The following TCF20 variants were observed in gnomAD, a reference collection of about 807,000 sequenced individuals.
TCF20 encodes the protein transcription factor 20.
In TCF20, 3 loss-of-function variants were observed where a neutral mutation model predicts 148.6. The observed-to-expected ratio is 0.02, with a 90% CI of 0.01 to 0.05. TCF20 has a LOEUF of 0.05. Ranked by LOEUF, TCF20 falls within the 10% of genes least tolerant of loss-of-function variation. The pLI is 1.00. For synonymous variants in TCF20, 1,049 were observed against 909.5 expected, an observed-to-expected ratio of 1.15 and a Z score of -2.76; for missense variants, 2,350 against 2,429.3, an observed-to-expected ratio of 0.97 and a Z score of 0.69.
At chr22:42,252,120 T>TG (rs1925423665) in intron 1 of TCF20, among the ~76,000 whole-genome samples, 1 of 150,942 alleles carries the variant, frequency 6.6e-6, no homozygotes, top group Non-Finnish European at 1.5e-5. Flanking sequence ...TATTTTTTTT[T>TG]GTAAAAATAC....
intron 1 of TCF20, among the ~76,000 whole-genome samples, chr22:42,324,133 G>A (rs1175672554): frequency 1.1e-3 from 164 of 145,490 alleles, no homozygotes; most frequent in Middle Eastern, 3.5e-3. Context: ...TATGGTGGTG[G>A]TGGTGGTGGT....
intron 1 of TCF20, among the ~76,000 whole-genome samples, chr22:42,265,314 T>G (rs1794104920): frequency 1.3e-5 from 2 of 152,182 alleles, no homozygotes; most frequent in African/African-American, 4.8e-5. Context: ...CTGTATTCTT[T>G]TTCTTCTTTT....
intron 1 of TCF20, among the ~76,000 whole-genome samples, chr22:42,303,114 G>A (rs1441461693): frequency 6.6e-6 from 1 of 152,222 alleles, no homozygotes; most frequent in African/African-American, 2.4e-5. Context: ...ATTTTTAGTA[G>A]CGACGGGGTT....
intron 1 of TCF20, chr22:42,215,558 C>T: frequency 5.5e-6 from 3 of 540,852 alleles, no homozygotes; most frequent in South Asian, 3.4e-5. Context: ...GCAACTTCTG[C>T]CTGCAGGGTT....
intron 1 of TCF20, among the ~76,000 whole-genome samples, chr22:42,308,352 C>G (rs1277898385): frequency 6.6e-6 from 1 of 152,090 alleles, no homozygotes; most frequent in South Asian, 2.1e-4. Flanking sequence ...CCCACAAACA[C>G]TAGGGGTGGA....
intron 2 of TCF20, among the ~76,000 whole-genome samples, chr22:42,190,515 C>T (rs1032986763): frequency 6.6e-6 from 1 of 152,078 alleles, no homozygotes; most frequent in African/African-American, 2.4e-5. Flanking sequence ...CAGCACTGAT[C>T]CCTAGTCATT....
At chr22:42,217,931 C>G (rs1921974982) in intron 1 of TCF20, among the ~76,000 whole-genome samples, 1 of 152,208 alleles carries the variant, frequency 6.6e-6, no homozygotes, top group Non-Finnish European at 1.5e-5. Flanking sequence ...CTTCCTTAAG[C>G]TTGATTATAT....
chr22:42,193,386 T>C (rs749045286), intron 2 of TCF20, among the ~76,000 whole-genome samples: 8 of 150,780 alleles, frequency 5.3e-5, no homozygotes, highest in Non-Finnish European at 1.0e-4. Flanking sequence ...ACTGTACTCA[T>C]AGTGGAACAA....
intron 2 of TCF20, among the ~76,000 whole-genome samples, chr22:42,205,794 T>G (rs1405648420): frequency 6.6e-6 from 1 of 152,150 alleles, no homozygotes; most frequent in Non-Finnish European, 1.5e-5. Context: ...TTTTTAGAGA[T>G]TGAATCCCAC....
At chr22:42,218,325 C>A (rs550773024) in intron 1 of TCF20, among the ~76,000 whole-genome samples, 121 of 152,304 alleles carry the variant, frequency 7.9e-4, no homozygotes, top group Non-Finnish European at 1.5e-3. Context: ...TAGCCACCCA[C>A]AATAAATCTG....
intron 1 of TCF20, among the ~76,000 whole-genome samples, chr22:42,228,496 G>A (rs1204629551): frequency 2.0e-5 from 3 of 152,200 alleles, no homozygotes; most frequent in Non-Finnish European, 2.9e-5. Flanking sequence ...GTAGAGAGAG[G>A]TTGTGTAGCT....
intron 1 of TCF20, among the ~76,000 whole-genome samples, chr22:42,257,681 C>CT (rs2147366689): frequency 6.6e-6 from 1 of 152,210 alleles, no homozygotes; most frequent in South Asian, 2.1e-4. Context: ...TTCTGCAAGT[C>CT]TTTTTTCAGC....
At chr22:42,177,743 CCT>C (rs1284248194) in intron 3 of TCF20, among the ~76,000 whole-genome samples, 1 of 152,140 alleles carries the variant, frequency 6.6e-6, no homozygotes, top group African/African-American at 2.4e-5. Context: ...AGTCTTCATC[CCT>C]GATTCCTGGC....
chr22:42,231,433 G>T (rs1923388079), intron 1 of TCF20, among the ~76,000 whole-genome samples: 1 of 152,176 alleles, frequency 6.6e-6, no homozygotes, highest in Admixed American at 6.5e-5. Flanking sequence ...AGGGAGCTAT[G>T]ACTGTGCCAC....
At chr22:42,324,543 A>C (rs988867545) in intron 1 of TCF20, among the ~76,000 whole-genome samples, 1 of 152,136 alleles carries the variant, frequency 6.6e-6, no homozygotes, top group Non-Finnish European at 1.5e-5. Context: ...CCGAGAAAAT[A>C]ATCTCCACCA....
In TCF20 at chr22:42,212,994, C is replaced by A; in HGVS notation, c.2312G>T (p.Ser771Ile). Residue 771 changes from serine to isoleucine, a missense_variant, in exon 2 of 6, where the codon AGT becomes ATT. Ser to Ile is a moderately radical substitution (Grantham distance 142, BLOSUM62 -2). This residue lies in a region of TCF20 where 1,641 missense variants were observed against 1,662.6 expected (regional missense o/e 0.99). Transcript: ENST00000677622. ...AGCCATCCCCTGATGCTCTTGAGTA[C>A]TCCTAGAATATCTCCTGTCAGGGTG... ...HHHPDRRYSR[S>I]TQEHQGMAGS... 1 of 1,614,134 alleles carries A rather than the reference C, an allele frequency of 6.2e-7. No homozygotes were observed. Among genetic ancestry groups the A allele is most frequent in the Non-Finnish European group, 8.5e-7 (1 of 1,180,016 alleles).
rs374413717 is a variant in TCF20, at chr22:42,221,954, G to T, written c.-36-6613C>A. Reference sequence around the variant, plus strand: ...AGGGTTTCACCGTGTTAGCCAGGATGGTCTCGATCTCCTGACCTCATGATC... The same window carrying T: ...AGGGTTTCACCGTGTTAGCCAGGATTGTCTCGATCTCCTGACCTCATGATC... On this transcript the variant is annotated intron_variant, in intron 1 of 5. Coordinates refer to ENST00000677622, the MANE Select transcript of TCF20 (RefSeq NM_001378418.1). 2.0e-4 allele frequency among the ~76,000 whole-genome samples: 31 copies of T among 151,986 alleles called. No homozygotes were observed. In the East Asian group the frequency reaches 5.8e-3, roughly 28 times the overall value.
chr22:42,166,293 G>A (rs897256811), intron 5 of TCF20, among the ~76,000 whole-genome samples: 1 of 152,184 alleles, frequency 6.6e-6, no homozygotes, highest in Non-Finnish European at 1.5e-5. Flanking sequence ...CTTCAACCCA[G>A]AAGGATGAAG....
chr22:42,168,558 C>A, intron 5 of TCF20, 51 bp downstream of exon 5: 2 of 1,534,786 alleles, frequency 1.3e-6, no homozygotes, highest in East Asian at 2.4e-5. Context: ...GAGGCAACGA[C>A]GCCTGCTGGG....
Sources: gnomAD v4.1 joint callset for allele counts (sites outside exome capture counted in the v4.1 genomes callset) on GRCh38, gnomAD v4.1.1 for gene constraint, gnomAD v4.1.1 regional missense constraint, MANE v1.5 for transcripts, NCBI Gene and HGNC (gene_info 2026-07-23, HGNC 2026-07-21) for gene names.